The following CNBD1 variants were observed in gnomAD, a reference collection of about 807,000 sequenced individuals.
The protein encoded by CNBD1 is cyclic nucleotide binding domain containing 1.
A neutral mutation model predicts 54.4 loss-of-function variants in CNBD1; 71 were observed. The ratio of observed to expected loss-of-function variants is 1.30; its 90% CI spans 1.08 to 1.59. The LOEUF is 1.59. Among genes scored for constraint, CNBD1 ranks in the 40% most tolerant of loss-of-function variants. CNBD1 has a pLI of 0.00. For synonymous variants in CNBD1, 182 were observed against 170.7 expected (o/e 1.07, Z -0.51); for missense variants, 659 against 518.0 (o/e 1.27, Z -2.64).
intron 8 of CNBD1, among the ~76,000 whole-genome samples, chr8:87,333,384 T>C (rs781286071): frequency 1.3e-5 from 2 of 152,176 alleles, no homozygotes; most frequent in African/African-American, 4.8e-5. Context: ...CTTGCCTGAT[T>C]ACCCTGGCCA....
intron 4 of CNBD1, among the ~76,000 whole-genome samples, chr8:87,081,512 T>C (rs1282399112): frequency 1.1e-5 from 1 of 89,656 alleles, no homozygotes; most frequent in African/African-American, 3.1e-5. Context: ...TTTGTTTTTG[T>C]TTTTTTTTTT....
chr8:87,027,357 C>T (rs1219091097), intron 4 of CNBD1, among the ~76,000 whole-genome samples: 5 of 152,050 alleles, frequency 3.3e-5, no homozygotes, highest in African/African-American at 7.2e-5. Flanking sequence ...CTGCAACCAC[C>T]GTCTCCTGGG....
chr8:87,082,899 T>C (rs954649471), intron 4 of CNBD1, among the ~76,000 whole-genome samples: 4 of 152,194 alleles, frequency 2.6e-5, no homozygotes, highest in African/African-American at 9.7e-5. Context: ...GTTTATTAAA[T>C]CTTTACAAAA....
chr8:87,176,685 T>C (rs1339774363), intron 4 of CNBD1, among the ~76,000 whole-genome samples: 1 of 151,156 alleles, frequency 6.6e-6, no homozygotes, highest in Non-Finnish European at 1.5e-5. Context: ...GAGACGAGGT[T>C]TCTCCATGTT....
intron 2 of CNBD1, among the ~76,000 whole-genome samples, chr8:87,407,484 T>C (rs10089688): frequency 0.013 from 1,946 of 152,170 alleles, 47 homozygotes; most frequent in African/African-American, 0.044. Context: ...AATGCTTTTA[T>C]TGCATATATT....
chr8:87,200,951 A>T (rs557047944), intron 4 of CNBD1, among the ~76,000 whole-genome samples: 2 of 152,324 alleles, frequency 1.3e-5, no homozygotes, highest in East Asian at 3.9e-4. Context: ...AGAAGAAAAC[A>T]AAACTACAAG....
At chr8:86,949,528 G>T (rs988775460) in intron 4 of CNBD1, among the ~76,000 whole-genome samples, 23 of 151,960 alleles carry the variant, frequency 1.5e-4, no homozygotes, top group African/African-American at 5.1e-4. Context: ...TTACTTTTTT[G>T]ATTTGTTTTT....
At chr8:87,037,587 A>T (rs1166908779) in intron 4 of CNBD1, among the ~76,000 whole-genome samples, 1 of 151,746 alleles carries the variant, frequency 6.6e-6, no homozygotes, top group African/African-American at 2.4e-5. Flanking sequence ...TTGTCTTCCA[A>T]CTCTTCTACT....
At chr8:87,244,868 T>C (rs1026277992) in intron 6 of CNBD1, among the ~76,000 whole-genome samples, 4 of 152,190 alleles carry the variant, frequency 2.6e-5, no homozygotes, top group Admixed American at 1.3e-4. Context: ...TTCAACTAAA[T>C]TGCAACTGAT....
At chr8:87,289,299 A>T (rs1045953353) in intron 8 of CNBD1, among the ~76,000 whole-genome samples, 7 of 152,148 alleles carry the variant, frequency 4.6e-5, no homozygotes, top group African/African-American at 1.7e-4. Context: ...TTAACTTCTT[A>T]CATCTTCCTA....
At chr8:87,380,862 CCCTTA>C (rs1563579025) in intron 10 of CNBD1, among the ~76,000 whole-genome samples, 1 of 151,962 alleles carries the variant, frequency 6.6e-6, no homozygotes, top group Non-Finnish European at 1.5e-5. Context: ...TAAAATTGGA[CCCTTA>C]CCTTGCACTG....
chr8:87,230,789 G>A (rs189332891), intron 5 of CNBD1, among the ~76,000 whole-genome samples: 30 of 152,254 alleles, frequency 2.0e-4, no homozygotes, highest in Non-Finnish European at 4.0e-4. Flanking sequence ...TCTAGATTAA[G>A]AGGTTGCTTC....
At chr8:86,925,448 A>G (rs533391388) in intron 3 of CNBD1, among the ~76,000 whole-genome samples, 2 of 151,674 alleles carry the variant, frequency 1.3e-5, no homozygotes, top group Non-Finnish European at 2.9e-5. Flanking sequence ...GGTTCTAATT[A>G]CTACCTAGTA....
At chr8:86,905,047 A>C (rs1216028892) in intron 2 of CNBD1, 34 bp from the exon 3 acceptor site, 3 of 1,298,546 alleles carry the variant, frequency 2.3e-6, no homozygotes, top group Non-Finnish European at 3.3e-6. Context: ...TTATCCTATG[A>C]CACTTACAAT....
chr8:86,906,356 G>A (rs1809016785), intron 3 of CNBD1, among the ~76,000 whole-genome samples: 1 of 152,092 alleles, frequency 6.6e-6, no homozygotes, highest in African/African-American at 2.4e-5. Flanking sequence ...AAAAATCTCT[G>A]GGAGATGGAG....
intron 2 of CNBD1, among the ~76,000 whole-genome samples, chr8:86,897,819 T>G (rs1194817345): frequency 3.9e-5 from 6 of 152,312 alleles, no homozygotes; most frequent in African/African-American, 1.2e-4. Context: ...ATTATGTGTT[T>G]ATAATTAACT....
intron 8 of CNBD1, among the ~76,000 whole-genome samples, chr8:87,324,425 T>C (rs975353192): frequency 7.2e-6 from 1 of 139,302 alleles, no homozygotes; most frequent in African/African-American, 2.6e-5. Flanking sequence ...TGTGAATCCA[T>C]CTGGTCCTGG....
intron 2 of CNBD1, among the ~76,000 whole-genome samples, chr8:87,404,037 G>C (rs968231204): frequency 2.0e-5 from 3 of 152,048 alleles, no homozygotes; most frequent in Non-Finnish European, 4.4e-5. Context: ...AGAGAGGTTT[G>C]CTGCATGCAT....
Position 87,351,739 on chromosome 8 carries a change from G to A in CNBD1, c.1097G>A (p.Cys366Tyr). Residue 366 changes from cysteine (C) to tyrosine (Y), a missense_variant, in exon 9 of 11, where the codon TGC (cysteine) becomes TAC (tyrosine). Cys to Tyr is a radical substitution (Grantham distance 194). Coordinates refer to ENST00000518476, the MANE Select transcript of CNBD1 (RefSeq NM_173538.3). ...TTTGTGGGTTATATTAACTCTGGATGCTGTAACATTTATAGAAGTATTATA... is the reference window on the plus strand; with the variant it reads ...TTTGTGGGTTATATTAACTCTGGATACTGTAACATTTATAGAAGTATTATA... Reference protein sequence around the residue: ...ISFVGYINSGCCNIYRSIIGF... With the variant: ...ISFVGYINSGYCNIYRSIIGF... 1.3e-6 allele frequency: 2 copies of A among 1,533,436 alleles called. No individual in the cohort carries two copies. Among genetic ancestry groups the A allele is most frequent in the Non-Finnish European group, 1.7e-6 (2 of 1,145,286 alleles). The allele number at this position is 1,533,436 out of a possible 1,614,324, so 95.0% of individuals were successfully genotyped here. A position where few individuals can be genotyped will look rare whatever the true frequency, so the allele number is the denominator to read the frequency against.
Sources: gnomAD v4.1 joint callset for allele counts (sites outside exome capture counted in the v4.1 genomes callset) on GRCh38, gnomAD v4.1.1 for gene constraint, MANE v1.5 for transcripts, NCBI Gene and HGNC (gene_info 2026-07-23, HGNC 2026-07-21) for gene names.